The following FREM3 variants were observed in gnomAD, a reference collection of about 807,000 sequenced individuals.
FREM3 encodes the protein FRAS1 related extracellular matrix 3, also known as FRAS1-related extracellular matrix protein 3.
A neutral mutation model predicts 129.1 loss-of-function variants in FREM3; 105 were observed. That is an observed-to-expected ratio of 0.81 (90% CI 0.69 to 0.96). FREM3 has a LOEUF of 0.96. FREM3 is among the 40% of genes least tolerant of loss of function. The pLI, the probability that FREM3 is intolerant of heterozygous loss-of-function variation, is 0.00. For synonymous variants in FREM3, 1,014 were observed against 1,044.9 expected (o/e 0.97, Z 0.57); for missense variants, 2,593 against 2,666.3 (o/e 0.97, Z 0.61).
At chr4:143,599,607 C>T (rs71612407) in intron 6 of FREM3, among the ~76,000 whole-genome samples, 9 of 152,154 alleles carry the variant, frequency 5.9e-5, no homozygotes, top group Non-Finnish European at 1.2e-4. Flanking sequence ...TGAATCATGT[C>T]AGACCTACCA....
chr4:143,620,232 T>C (rs1411883755), intron 5 of FREM3, among the ~76,000 whole-genome samples: 1 of 152,146 alleles, frequency 6.6e-6, no homozygotes, highest in South Asian at 2.1e-4. Flanking sequence ...AATCTCCAGA[T>C]TCCCAGGCCA....
chr4:143,632,829 C>T (rs1249853819), intron 2 of FREM3, among the ~76,000 whole-genome samples: 1 of 152,058 alleles, frequency 6.6e-6, no homozygotes, highest in Non-Finnish European at 1.5e-5. Flanking sequence ...AATCCAAAAA[C>T]CTCATAATGT....
Position 143,698,420 on chromosome 4 carries a change from A to C in FREM3, c.2256T>G (p.Asp752Glu). ...YTLLTLPTDT[D>E]GNHQVRAGEI... ...CTCCAGCCCGGACTTGGTGGTTGCC[A>C]TCTGTGTCAGTCGGGAGTGTCAGTA... Residue 752 changes from aspartate to glutamate, a missense_variant, in exon 1 of 8, where the codon GAT (aspartate) becomes GAG (glutamate). Coordinates refer to ENST00000329798, the MANE Select transcript of FREM3 (RefSeq NM_001168235.2). The C allele has an allele frequency of 1.3e-6, 2 of 1,537,924 alleles. No individual in the cohort carries two copies. The highest frequency in any genetic ancestry group is 1.7e-6 in the Non-Finnish European group (2 of 1,147,062).
rs923246192 is a variant in FREM3, at chr4:143,650,684, A to G, written c.5276-22924T>C. Among the ~76,000 whole-genome samples, 3 of 152,156 alleles carry G rather than the reference A, an allele frequency of 2.0e-5. No individual in the cohort carries two copies. The East Asian group carries it at 5.8e-4, about 29-fold the overall frequency. ...TTTTAAAAGTTTCTGTAGAAACGAC[A>G]TCTTTCCATATTGCCCAGGCTGATC... On this transcript the variant is annotated intron_variant, in intron 2 of 7. Coordinates refer to ENST00000329798, the MANE Select transcript of FREM3 (RefSeq NM_001168235.2).
At chr4:143,605,790 T>C (rs1161753384) in intron 6 of FREM3, among the ~76,000 whole-genome samples, 1 of 152,198 alleles carries the variant, frequency 6.6e-6, no homozygotes, top group Non-Finnish European at 1.5e-5. Context: ...TACTACTTTA[T>C]AAGTGAGCAA....
At chr4:143,686,718 T>C (rs1740372737) in intron 2 of FREM3, among the ~76,000 whole-genome samples, 1 of 152,190 alleles carries the variant, frequency 6.6e-6, no homozygotes, top group Non-Finnish European at 1.5e-5. Context: ...AACCTGCTCC[T>C]GAATGAGCAT....
At chr4:143,591,186 C>G (rs1241170155) in intron 6 of FREM3, among the ~76,000 whole-genome samples, 1 of 152,106 alleles carries the variant, frequency 6.6e-6, no homozygotes, top group Non-Finnish European at 1.5e-5. Context: ...TTTCAAAAAA[C>G]CAGCTCCTGG....
rs1387282583 is a variant in FREM3 at position 143,620,657 on chromosome 4, G to C, written c.5779+380C>G. ...AGACTATTTTACAATATTGCCCAGA[G>C]GCAATGCTGACTATTAAAAATACGA... is the stretch of plus-strand genomic sequence containing the variant. On this transcript the variant is annotated intron_variant, in intron 5 of 7. Coordinates refer to ENST00000329798, the MANE Select transcript of FREM3 (RefSeq NM_001168235.2). 2.0e-5 allele frequency among the ~76,000 whole-genome samples: 3 copies of C among 152,260 alleles called. No individual in the cohort carries two copies. In the East Asian group the frequency reaches 5.8e-4, roughly 29 times the overall value.
intron 6 of FREM3, among the ~76,000 whole-genome samples, chr4:143,592,431 G>A (rs1738382481): frequency 6.6e-6 from 1 of 152,150 alleles, no homozygotes; most frequent in Non-Finnish European, 1.5e-5. Context: ...TTTAGGACAG[G>A]CCTCGTGGTG....
chr4:143,693,116 T>G lies in FREM3; in HGVS notation c.5272A>C (p.Asn1758His). The G allele has an allele frequency of 6.8e-7, 1 of 1,468,394 alleles. No homozygotes were observed. The highest frequency in any genetic ancestry group is 9.1e-7 in the Non-Finnish European group (1 of 1,096,826). The allele number at this position is 1,468,394 out of a possible 1,614,324, so 91.0% of individuals were successfully genotyped here. Reference protein sequence around the residue: ...KDIFYFSVEDNGGNKLTNQPF... With the variant: ...KDIFYFSVEDHGGNKLTNQPF... ...TGAAGGGTTTATTATGACTTACCATTGTCTTCAACAGAGAAATAGAAGATG... is the reference window on the plus strand; with the variant it reads ...TGAAGGGTTTATTATGACTTACCATGGTCTTCAACAGAGAAATAGAAGATG... The change falls in exon 2 of 8, where the codon AAT becomes CAT. Residue 1758 changes from asparagine to histidine, a missense_variant. This residue lies in a region of FREM3 where 2,276 missense variants were observed against 2,267.2 expected (regional missense o/e 1.00). Transcript: ENST00000329798.
At chr4:143,689,028 G>C (rs1740418733) in intron 2 of FREM3, among the ~76,000 whole-genome samples, 1 of 152,132 alleles carries the variant, frequency 6.6e-6, no homozygotes, top group Admixed American at 6.5e-5. Flanking sequence ...AAATAGCCGG[G>C]ACCTAATTAA....
chr4:143,661,538 G>A (rs1739723700), intron 2 of FREM3, among the ~76,000 whole-genome samples: 1 of 151,826 alleles, frequency 6.6e-6, no homozygotes, highest in South Asian at 2.1e-4. Flanking sequence ...AAGGATATTG[G>A]TCTAAAATTC....
In FREM3 at chr4:143,698,451, TAC is replaced by T; in HGVS notation, c.2223_2224del (p.Trp741Ter). 1.3e-6 allele frequency: 2 copies of T among 1,537,910 alleles called. No individual in the cohort carries two copies. The highest frequency in any genetic ancestry group is 1.7e-6 in the Non-Finnish European group (2 of 1,147,056). ...GTCAGTCGGGAGTGTCAGTAGGGTG[TAC>T]CATAGGTTCTGGTCATCAGAGTCCT... On this transcript the variant is annotated stop_gained and frameshift_variant, in exon 1 of 8. Transcript: ENST00000329798. LOFTEE classifies it high-confidence loss of function.
intron 6 of FREM3, among the ~76,000 whole-genome samples, chr4:143,595,313 T>A (rs1738447388): frequency 6.6e-6 from 1 of 152,222 alleles, no homozygotes; most frequent in Non-Finnish European, 1.5e-5. Flanking sequence ...TTTAAACAGG[T>A]TTTGAATTCT....
chr4:143,693,564 GA>G (rs1302613736), intron 1 of FREM3, among the ~76,000 whole-genome samples: 1 of 152,164 alleles, frequency 6.6e-6, no homozygotes, highest in African/African-American at 2.4e-5. Flanking sequence ...GCTAAAAACA[GA>G]ACTATCATTC....
intron 2 of FREM3, among the ~76,000 whole-genome samples, chr4:143,661,021 C>G (rs1486327924): frequency 2.0e-5 from 3 of 152,194 alleles, no homozygotes; most frequent in Non-Finnish European, 4.4e-5. Flanking sequence ...ACAATCATGT[C>G]ATCTGCAAAC....
At chr4:143,643,206 G>A (rs1364072880) in intron 2 of FREM3, among the ~76,000 whole-genome samples, 1 of 152,044 alleles carries the variant, frequency 6.6e-6, no homozygotes, top group African/African-American at 2.4e-5. Flanking sequence ...ACAGTATTTT[G>A]GAAGTTCCTC....
chr4:143,650,306 T>C (rs940610969), intron 2 of FREM3, among the ~76,000 whole-genome samples: 11 of 152,166 alleles, frequency 7.2e-5, no homozygotes, highest in African/African-American at 2.4e-4. Context: ...CTCACAAAGC[T>C]CTTGTTCAGG....
At chr4:143,635,530 C>G (rs914926689) in intron 2 of FREM3, among the ~76,000 whole-genome samples, 4 of 152,282 alleles carry the variant, frequency 2.6e-5, no homozygotes, top group Admixed American at 2.0e-4. Flanking sequence ...CCTCCCTGCT[C>G]CTCCTCATCC....
Sources: allele counts gnomAD v4.1 joint callset (sites outside exome capture counted in the v4.1 genomes callset), GRCh38; gene constraint gnomAD v4.1.1; regional missense constraint gnomAD v4.1.1; transcripts MANE v1.5; gene names NCBI Gene and HGNC (gene_info 2026-07-23, HGNC 2026-07-21).